Variants in SNX27 observed in about 807,000 individuals in gnomAD.
SNX27 encodes sorting nexin-27.
Under a neutral mutation model 71.6 loss-of-function variants are expected in SNX27, and 22 were observed. That is an observed-to-expected ratio of 0.31 (90% confidence interval 0.22 to 0.44). The LOEUF is 0.44. Among genes scored for constraint, SNX27 ranks in the 20% least tolerant of loss-of-function variants. The pLI is 1.00. For missense variants in SNX27, 531 were observed against 698.6 expected, an observed-to-expected ratio of 0.76 and a Z score of 2.70; for synonymous variants, 269 against 277.2, an observed-to-expected ratio of 0.97 and a Z score of 0.29.
At chr1:151,687,906 C>T (rs1671255676) in intron 8 of SNX27, among the ~76,000 whole-genome samples, 1 of 150,822 alleles carries the variant, frequency 6.6e-6, no homozygotes, top group African/African-American at 2.4e-5. Context: ...CGCGATCGCG[C>T]CGCTCACTCC....
intron 7 of SNX27, chr1:151,678,732 G>A (rs914741940): frequency 2.0e-5 from 3 of 151,920 alleles, no homozygotes; most frequent in African/African-American, 7.3e-5. Context: ...TTATTTTTTG[G>A]AGACAGAGTC....
chr1:151,641,446 G>A (rs1316991698), intron 2 of SNX27, among the ~76,000 whole-genome samples: 1 of 151,544 alleles, frequency 6.6e-6, no homozygotes, highest in Non-Finnish European at 1.5e-5. Context: ...GACTCATGAT[G>A]ATGAGCTGCT....
At chr1:151,619,300 C>T (rs990901033) in intron 1 of SNX27, among the ~76,000 whole-genome samples, 1 of 152,216 alleles carries the variant, frequency 6.6e-6, no homozygotes, top group African/African-American at 2.4e-5. Flanking sequence ...ATGATCACAT[C>T]ACTGACCTCA....
At chr1:151,622,287 T>G (rs2102600071) in intron 1 of SNX27, among the ~76,000 whole-genome samples, 1 of 152,332 alleles carries the variant, frequency 6.6e-6, no homozygotes, top group South Asian at 2.1e-4. Context: ...CATGATAGAT[T>G]ACACTATCTG....
At chr1:151,613,396 A>C (rs1667282964) in intron 1 of SNX27, 2 of 150,466 alleles carry the variant, frequency 1.3e-5, no homozygotes. Flanking sequence ...TTTATGGTAG[A>C]CCCCTTGTAA....
At position 151,657,747 on chromosome 1, in the gene SNX27, C is replaced by T. The variant is rs1425885613; in HGVS notation, c.544-488C>T. On this transcript the variant is annotated intron_variant, in intron 2 of 11. Transcript: ENST00000458013. ...ATAGCAAAAATAAGATCACACTCCT[C>T]CTGCTGGGTGCGGTGGTTCAAGGTG... 3.3e-5 allele frequency among the ~76,000 whole-genome samples: 5 copies of T among 152,204 alleles called. No homozygotes were observed. The East Asian group carries it at 9.7e-4, about 29-fold the overall frequency.
intron 2 of SNX27, among the ~76,000 whole-genome samples, chr1:151,652,592 T>A (rs1003255647): frequency 5.3e-5 from 8 of 151,830 alleles, no homozygotes; most frequent in Non-Finnish European, 8.8e-5. Context: ...TATTTTTTTT[T>A]AGTAGAGACA....
intron 1 of SNX27, among the ~76,000 whole-genome samples, chr1:151,630,594 T>G (rs957042515): frequency 5.9e-5 from 9 of 152,188 alleles, no homozygotes; most frequent in African/African-American, 2.2e-4. Context: ...TCTTTGATAT[T>G]TAGTGATCCA....
chr1:151,651,776 C>T (rs538583148), intron 2 of SNX27, among the ~76,000 whole-genome samples: 1,614 of 149,774 alleles, frequency 0.011, 6 homozygotes, highest in Non-Finnish European at 0.018. Flanking sequence ...CAGGCAGAGA[C>T]GCTCCTCACT....
At chr1:151,656,223 CAAAAAAA>C in intron 2 of SNX27, among the ~76,000 whole-genome samples, 1 of 77,446 alleles carries the variant, frequency 1.3e-5, no homozygotes, top group East Asian at 3.7e-4. Flanking sequence ...GACTCCGTCT[CAAAAAAA>C]AAAAAAAAAA....
intron 8 of SNX27, among the ~76,000 whole-genome samples, chr1:151,688,150 T>A (rs1171903233): frequency 6.6e-6 from 1 of 151,996 alleles, no homozygotes; most frequent in Non-Finnish European, 1.5e-5. Flanking sequence ...AAGTGAAAAC[T>A]AAGGGAAGCT....
intron 4 of SNX27, chr1:151,661,133 A>G (rs1318089567): frequency 4.1e-5 from 15 of 365,250 alleles, no homozygotes; most frequent in Non-Finnish European, 5.1e-5. Flanking sequence ...AATTAGTTCC[A>G]TTCAGTGATC....
chr1:151,682,950 G>A (rs1029071516), intron 7 of SNX27, among the ~76,000 whole-genome samples: 2 of 152,126 alleles, frequency 1.3e-5, no homozygotes, highest in Non-Finnish European at 2.9e-5. Context: ...CAAGAGAATC[G>A]CTTGAACCTG....
chr1:151,676,982 C>T (rs565429041), intron 7 of SNX27: 12 of 151,912 alleles, frequency 7.9e-5, no homozygotes, highest in African/African-American at 2.2e-4. Flanking sequence ...TAGCATCTCT[C>T]TGCTCTTAAT....
chr1:151,663,620 GTC>G (rs1670060815), intron 5 of SNX27, among the ~76,000 whole-genome samples: 1 of 151,820 alleles, frequency 6.6e-6, no homozygotes, highest in South Asian at 2.1e-4. Flanking sequence ...GTCCTTCTGT[GTC>G]TCTATATTTT....
chr1:151,653,344 A>G (rs1669506513), intron 2 of SNX27, among the ~76,000 whole-genome samples: 1 of 152,144 alleles, frequency 6.6e-6, no homozygotes, highest in Non-Finnish European at 1.5e-5. Context: ...TAGTGTTTCA[A>G]CTTGGAAATG....
intron 2 of SNX27, among the ~76,000 whole-genome samples, chr1:151,651,501 C>T (rs1054223071): frequency 2.0e-5 from 3 of 149,950 alleles, no homozygotes; most frequent in Non-Finnish European, 4.5e-5. Flanking sequence ...GGTTGCCGGG[C>T]AGAGGGTCTC....
In SNX27 at chr1:151,612,451, G is replaced by A; in HGVS notation, c.250G>A (p.Val84Met). Reference sequence around the variant, plus strand: ...CGCGCCGCTGCAGCATGTGAGCGCCGTGCTGCCCGGGGGGGCGGCCGATCG... The same window carrying A: ...CGCGCCGCTGCAGCATGTGAGCGCCATGCTGCCCGGGGGGGCGGCCGATCG... Reference protein sequence around the residue: ...LYAPLQHVSAVLPGGAADRAG... With the variant: ...LYAPLQHVSAMLPGGAADRAG... The change falls in exon 1 of 12, where the codon GTG becomes ATG. Residue 84 changes from valine to methionine, a missense_variant. Around this residue, in one of 5 missense-constraint regions of SNX27, gnomAD observed 130 missense variants for 143.5 expected, o/e 0.91. Coordinates refer to ENST00000458013, the MANE Select transcript of SNX27 (RefSeq NM_001330723.2). The surrounding 1 kb of genome is among the most constrained non-coding windows in gnomAD (Gnocchi z 5.2). 6.9e-7 allele frequency: 1 copy of A among 1,439,314 alleles called. No homozygotes were observed. Among genetic ancestry groups the A allele is most frequent in the East Asian group, 2.8e-5 (1 of 35,718 alleles). The allele number at this position is 1,439,314 out of a possible 1,614,324, so 89.2% of individuals were successfully genotyped here.
chr1:151,627,644 T>C (rs1287322105), intron 1 of SNX27, among the ~76,000 whole-genome samples: 1 of 151,988 alleles, frequency 6.6e-6, no homozygotes, highest in Non-Finnish European at 1.5e-5. Flanking sequence ...CCCAGGCTGG[T>C]CTCGAACTCC....
Sources: allele counts gnomAD v4.1 joint callset (sites outside exome capture counted in the v4.1 genomes callset), GRCh38; gene constraint gnomAD v4.1.1; regional missense constraint gnomAD v4.1.1; non-coding constraint Gnocchi (gnomAD v3.1); transcripts MANE v1.5; gene names NCBI Gene and HGNC (gene_info 2026-07-23, HGNC 2026-07-21).